The following CTNNA3 variants were observed in gnomAD, a reference collection of about 807,000 sequenced individuals.
The protein encoded by CTNNA3 is catenin alpha-3.
A neutral mutation model predicts 95.7 loss-of-function variants in CTNNA3; 76 were observed. That is an observed-to-expected ratio of 0.79 (90% CI 0.66 to 0.96). The LOEUF (loss-of-function observed/expected upper bound fraction) is 0.96. Ranked by LOEUF, CTNNA3 falls within the 40% of genes least tolerant of loss-of-function variation. The pLI is 0.00. For missense variants in CTNNA3, 1,191 were observed against 1,089.8 expected, an observed-to-expected ratio of 1.09 and a Z score of -1.31; for synonymous variants, 431 against 374.4, an observed-to-expected ratio of 1.15 and a Z score of -1.74.
At chr10:66,587,681 A>T (rs1356866823) in intron 10 of CTNNA3, among the ~76,000 whole-genome samples, 1 of 152,178 alleles carries the variant, frequency 6.6e-6, no homozygotes, top group Admixed American at 6.5e-5. Context: ...GTTAGCAAGC[A>T]GCAGTAAGCC....
At chr10:66,018,891 T>C (rs190301013) in intron 15 of CTNNA3, among the ~76,000 whole-genome samples, 1,912 of 150,740 alleles carry the variant, frequency 0.013, 30 homozygotes, top group African/African-American at 0.044. Context: ...TCAATCACAT[T>C]CACGTTTATG....
chr10:67,235,735 A>G (rs1443490425), intron 5 of CTNNA3, among the ~76,000 whole-genome samples: 4 of 143,688 alleles, frequency 2.8e-5, no homozygotes, highest in South Asian at 2.2e-4. Context: ...GCAACCTACA[A>G]AATGGGAGAA....
intron 7 of CTNNA3, among the ~76,000 whole-genome samples, chr10:66,997,498 C>T (rs1232104785): frequency 6.6e-6 from 1 of 152,124 alleles, no homozygotes; most frequent in African/African-American, 2.4e-5. Flanking sequence ...AAACCAAATT[C>T]TTGTCTGTTC....
At chr10:67,538,157 T>TAAAAAAAAAAAA (rs1176919938) in intron 4 of CTNNA3, among the ~76,000 whole-genome samples, 49 of 59,058 alleles carry the variant, frequency 8.3e-4, no homozygotes, top group African/African-American at 2.1e-3. Context: ...CTACTTAAAC[T>TAAAAAAAAAAAA]AAAAAAAAAA....
chr10:67,566,043 G>GTATATATATATATATATATATAATATATA (rs1841769344), intron 3 of CTNNA3, among the ~76,000 whole-genome samples: 2 of 26,964 alleles, frequency 7.4e-5, no homozygotes, highest in African/African-American at 1.7e-4. Flanking sequence ...ATGTGTGTGT[G>GTATATATATATATATATATATAATATATA]TATATATATA....
intron 10 of CTNNA3, among the ~76,000 whole-genome samples, chr10:66,544,943 A>G (rs1841990890): frequency 6.6e-6 from 1 of 152,132 alleles, no homozygotes; most frequent in South Asian, 2.1e-4. Context: ...ACAAACCATT[A>G]TCTTCTAGTT....
At position 66,088,952 on chromosome 10, in the gene CTNNA3, G is replaced by A. The variant is rs1482916913; in HGVS notation, c.1977+14205C>T. Among the ~76,000 whole-genome samples the A allele has an allele frequency of 2.0e-5, 3 of 152,010 alleles. No individual in the cohort carries two copies. In the East Asian group the frequency reaches 5.8e-4, roughly 29 times the overall value. On this transcript the variant is annotated intron_variant, in intron 14 of 17. Transcript: ENST00000433211. Reference sequence around the variant, plus strand: ...AGGAGTCATTTCTTCTTATTAATTTGTGAAAATCTATTTCTATGAATATAT... The same window carrying A: ...AGGAGTCATTTCTTCTTATTAATTTATGAAAATCTATTTCTATGAATATAT...
Position 66,339,637 on chromosome 10 carries a change from T to C in CTNNA3, c.1732+39515A>G, listed in dbSNP as rs375685180. Among the ~76,000 whole-genome samples the C allele has an allele frequency of 4.5e-4, 69 of 151,944 alleles. 1 individual carries two copies. The South Asian group carries it at 0.014, about 31-fold the overall frequency. ...ATTCCTTTTATTTCTACAGACAGGG[T>C]TACAGATAGTTCCTGCTACTTGAGT... On this transcript the variant is annotated intron_variant, in intron 12 of 17. Transcript: ENST00000433211.
chr10:67,445,056 G>A (rs754152729), intron 5 of CTNNA3, among the ~76,000 whole-genome samples: 46 of 151,936 alleles, frequency 3.0e-4, no homozygotes, highest in Middle Eastern at 3.4e-3. Flanking sequence ...AAACTACTCT[G>A]AAAAATAAAG....
intron 3 of CTNNA3, among the ~76,000 whole-genome samples, chr10:67,563,440 T>C (rs1476906610): frequency 6.6e-6 from 1 of 152,208 alleles, no homozygotes; most frequent in African/African-American, 2.4e-5. Flanking sequence ...GCTAGCCATA[T>C]GTAGAAAGCT....
chr10:66,683,829 G>A (rs137930563), intron 9 of CTNNA3, among the ~76,000 whole-genome samples: 1 of 152,148 alleles, frequency 6.6e-6, no homozygotes, highest in Admixed American at 6.5e-5. Flanking sequence ...AAGATGGGAA[G>A]TGTGAGGTAG....
chr10:66,901,353 C>T lies in CTNNA3; in HGVS notation c.1048-125829G>A, dbSNP rs571768134. Among the ~76,000 whole-genome samples the T allele has an allele frequency of 1.1e-4, 16 of 152,302 alleles. No individual in the cohort carries two copies. The South Asian group carries it at 3.3e-3, about 32-fold the overall frequency. On this transcript the variant is annotated intron_variant, in intron 7 of 17. Transcript: ENST00000433211. The stretch of plus-strand genomic sequence containing the variant: ...AGAGATTTTGTCACCACCAGGTCTG[C>T]CTTACAAGAGCTCCTGAAGGAAGCA...
chr10:66,598,349 A>G (rs1389266896), intron 10 of CTNNA3, among the ~76,000 whole-genome samples: 1 of 152,094 alleles, frequency 6.6e-6, no homozygotes, highest in Non-Finnish European at 1.5e-5. Context: ...AAGATCAGGA[A>G]TAAGACAAGG....
At chr10:65,967,807 CTAATT>C (rs2078007171) in intron 16 of CTNNA3, among the ~76,000 whole-genome samples, 1 of 152,066 alleles carries the variant, frequency 6.6e-6, no homozygotes. Flanking sequence ...AAAATTCCTT[CTAATT>C]TAATTCCACT....
intron 5 of CTNNA3, among the ~76,000 whole-genome samples, chr10:67,509,199 T>TA (rs1010180020): frequency 5.3e-5 from 8 of 151,972 alleles, no homozygotes; most frequent in African/African-American, 1.7e-4. Flanking sequence ...TTCTTTTTTT[T>TA]TTTTTTAAAT....
chr10:66,546,691 ATCAC>A (rs1264361023), intron 10 of CTNNA3, among the ~76,000 whole-genome samples: 1 of 152,100 alleles, frequency 6.6e-6, no homozygotes, highest in Non-Finnish European at 1.5e-5. Context: ...ATCTTGTGAA[ATCAC>A]TCACTATCAT....
intron 11 of CTNNA3, among the ~76,000 whole-genome samples, chr10:66,448,982 T>C (rs2093444181): frequency 3.3e-5 from 5 of 152,092 alleles, no homozygotes; most frequent in Admixed American, 3.3e-4. Flanking sequence ...TGTCTCTTTC[T>C]TTTTGAAAGA....
chr10:67,045,624 A>G (rs1589655292), intron 7 of CTNNA3, among the ~76,000 whole-genome samples: 2 of 152,070 alleles, frequency 1.3e-5, no homozygotes, highest in Admixed American at 6.5e-5. Flanking sequence ...TTGCGGCCAG[A>G]CCCCGTTTCC....
intron 11 of CTNNA3, among the ~76,000 whole-genome samples, chr10:66,397,755 C>T (rs1270246149): frequency 6.6e-6 from 1 of 151,762 alleles, no homozygotes; most frequent in African/African-American, 2.4e-5. Flanking sequence ...TTTATTTTTC[C>T]AATGACATAC....
Sources: allele counts gnomAD v4.1 joint callset (sites outside exome capture counted in the v4.1 genomes callset), GRCh38; gene constraint gnomAD v4.1.1; transcripts MANE v1.5; gene names NCBI Gene and HGNC (gene_info 2026-07-23, HGNC 2026-07-21).